The following PKHD1L1 variants were observed in gnomAD, a reference collection of about 807,000 sequenced individuals.
PKHD1L1 encodes the protein fibrocystin-L.
Under a neutral mutation model 462.9 loss-of-function variants are expected in PKHD1L1, and 434 were observed. The observed-to-expected ratio is 0.94, with a 90% confidence interval of 0.87 to 1.02. PKHD1L1 has a LOEUF of 1.02. Among genes scored for constraint, PKHD1L1 ranks in the 50% least tolerant of loss-of-function variants. The pLI, the probability that PKHD1L1 is intolerant of heterozygous loss-of-function variation, is 0.00. For missense variants in PKHD1L1, 5,202 were observed against 5,096.1 expected (o/e 1.02, Z -0.63); for synonymous variants, 1,781 against 1,750.0 (o/e 1.02, Z -0.44).
At chr8:109,450,897 T>C in intron 40 of PKHD1L1, 78 bp from the exon 41 acceptor site, 1 of 1,344,614 alleles carries the variant, frequency 7.4e-7, no homozygotes, top group Non-Finnish European at 1.0e-6. Flanking sequence ...GAAGATGTTA[T>C]TGAAAATGTT....
intron 16 of PKHD1L1, among the ~76,000 whole-genome samples, chr8:109,405,924 A>T (rs1310572436): frequency 2.0e-5 from 3 of 152,212 alleles, no homozygotes; most frequent in South Asian, 2.1e-4. Flanking sequence ...TCAATTTTTT[A>T]AATTAAATGA....
Position 109,442,331 on chromosome 8 carries a change from G to A in PKHD1L1, c.4393+136G>A, listed in dbSNP as rs921891804. On this transcript the variant is annotated intron_variant, in intron 35 of 77. Transcript: ENST00000378402. ...TGCGTAAGGTATTTGGCATTTTATT[G>A]CTGCAGTAAAAATGTTACTAATGAG... is the stretch of plus-strand genomic sequence containing the variant. The A allele has an allele frequency of 2.1e-5, 18 of 847,484 alleles. No homozygotes were observed. The Admixed American group carries it at 3.0e-4, about 14-fold the overall frequency. 52.5% of individuals were successfully genotyped at this position (847,484 alleles called of 1,614,324 possible). A position where few individuals can be genotyped will look rare whatever the true frequency, so the allele number is the denominator to read the frequency against.
Position 109,531,141 on chromosome 8 carries a change from G to T in PKHD1L1, c.*1051G>T, listed in dbSNP as rs989088831. On this transcript the variant is annotated 3_prime_UTR_variant, in exon 78 of 78. Transcript: ENST00000378402. The stretch of plus-strand genomic sequence containing the variant: ...CAGCAAACATTTGGGACAGCTGAGA[G>T]AATTCAACAAAGCCCATACCGTTGT... Among the ~76,000 whole-genome samples the T allele has an allele frequency of 7.2e-5, 11 of 152,196 alleles. No individual in the cohort carries two copies. The highest frequency in any genetic ancestry group is 2.7e-4 in the African/African-American group (11 of 41,450).
chr8:109,441,183 G>C (rs926719043), intron 33 of PKHD1L1, 92 bp from the exon 34 acceptor site: 2 of 855,884 alleles, frequency 2.3e-6, no homozygotes, highest in African/African-American at 3.5e-5. Context: ...GGTCTTGGCT[G>C]TTGATGAATT....
chr8:109,383,167 TATATACAATAATATATATA>T (rs1812231360), intron 4 of PKHD1L1, among the ~76,000 whole-genome samples: 1 of 90,144 alleles, frequency 1.1e-5, no homozygotes, highest in Non-Finnish European at 2.0e-5. Flanking sequence ...TTATATATAA[TATATACAATAATATATATA>T]ATTATATATA....
intron 49 of PKHD1L1, among the ~76,000 whole-genome samples, chr8:109,465,654 T>A (rs1482245852): frequency 1.3e-5 from 2 of 152,186 alleles, no homozygotes; most frequent in Non-Finnish European, 2.9e-5. Flanking sequence ...CAGAAACATA[T>A]AAATTGCAGG....
rs747605634 is a variant in PKHD1L1, at chr8:109,439,055, T to G, written c.3919T>G (p.Tyr1307Asp). ...PKLSPGKHDI[Y>D]VEVRNWGFAS... ...GTTGTCTCCTGGAAAACATGATATCTATGTAGAAGTCAGAAACTGGGGTTT... is the reference window on the plus strand; with the variant it reads ...GTTGTCTCCTGGAAAACATGATATCGATGTAGAAGTCAGAAACTGGGGTTT... The change falls in exon 32 of 78, where the codon TAT becomes GAT. Residue 1307 changes from tyrosine (Y) to aspartate (D), a missense_variant. Transcript: ENST00000378402. The G allele has an allele frequency of 3.7e-6, 6 of 1,613,264 alleles. No homozygotes were observed. Among genetic ancestry groups the G allele is most frequent in the Non-Finnish European group, 5.1e-6 (6 of 1,179,576 alleles).
At chr8:109,383,095 T>TAA (rs1235949947) in intron 4 of PKHD1L1, among the ~76,000 whole-genome samples, 1 of 124,272 alleles carries the variant, frequency 8.0e-6, no homozygotes, top group Non-Finnish European at 1.6e-5. Flanking sequence ...TTATTATATA[T>TAA]AATATATAAA....
At chr8:109,412,898 A>G (rs1813933477) in intron 20 of PKHD1L1, among the ~76,000 whole-genome samples, 1 of 152,028 alleles carries the variant, frequency 6.6e-6, no homozygotes, top group Non-Finnish European at 1.5e-5. Flanking sequence ...AAAATTCTCA[A>G]ATTGTGGCAC....
At chr8:109,469,580 T>G (rs1352473362) in intron 50 of PKHD1L1, among the ~76,000 whole-genome samples, 1 of 152,204 alleles carries the variant, frequency 6.6e-6, no homozygotes. Flanking sequence ...AAAACCTAAG[T>G]GTGCAGTGCC....
At position 109,456,374 on chromosome 8, in the gene PKHD1L1, T is replaced by C. The variant is rs760418902; in HGVS notation, c.6987T>C (p.Ile2329=). The C allele has an allele frequency of 1.5e-5, 24 of 1,608,070 alleles. No individual in the cohort carries two copies. The highest frequency in any genetic ancestry group is 3.4e-5 in the Admixed American group (2 of 59,274). Residue 2329 remains isoleucine, a synonymous_variant, in exon 46 of 78, where the codon ATT becomes ATC. Coordinates refer to ENST00000378402, the MANE Select transcript of PKHD1L1 (RefSeq NM_177531.6). The part of the protein sequence containing the change: ...VTWKPGDNIV[I]ASTGHRHSQG... ...GGAAACCAGGAGATAACATTGTAATTGCAAGCACAGGACACAGGTATGATA... is the reference window on the plus strand; with the variant it reads ...GGAAACCAGGAGATAACATTGTAATCGCAAGCACAGGACACAGGTATGATA...
At chr8:109,427,862 A>G (rs891740167) in intron 25 of PKHD1L1, among the ~76,000 whole-genome samples, 2 of 151,988 alleles carry the variant, frequency 1.3e-5, no homozygotes, top group Admixed American at 1.3e-4. Flanking sequence ...TACTAAAAAT[A>G]CAAAATTAGC....
intron 55 of PKHD1L1, among the ~76,000 whole-genome samples, chr8:109,480,966 A>G (rs956063516): frequency 6.6e-6 from 1 of 152,076 alleles, no homozygotes; most frequent in South Asian, 2.1e-4. Context: ...ATACTAATTC[A>G]TGAATTTGGT....
In PKHD1L1 at chr8:109,364,727, CA is replaced by C. The variant is rs1344807063; in HGVS notation, c.163+93del. 1.8e-5 allele frequency: 14 copies of C among 763,066 alleles called. No individual in the cohort carries two copies. In the East Asian group the frequency reaches 3.9e-4, roughly 21 times the overall value. The allele number at this position is 763,066 out of a possible 1,614,324, so 47.3% of individuals were successfully genotyped here. ...AGAGCTTTATGGACAAACAAACAAA[CA>C]AGCACCACTGGAGTTATTTCTTCAC... On this transcript the variant is annotated intron_variant, in intron 2 of 77. Transcript: ENST00000378402.
intron 4 of PKHD1L1, among the ~76,000 whole-genome samples, chr8:109,383,518 T>C (rs868832616): frequency 2.5e-4 from 35 of 141,260 alleles, no homozygotes; most frequent in African/African-American, 9.2e-4. Flanking sequence ...ATAGTTTATA[T>C]ATATTAGTTT....
intron 62 of PKHD1L1, 134 bp downstream of exon 62, chr8:109,492,128 T>TAA: frequency 1.5e-6 from 1 of 670,716 alleles, no homozygotes; most frequent in Non-Finnish European, 2.2e-6. Flanking sequence ...GCCATTGATT[T>TAA]TTTTTTTTTT....
chr8:109,472,495 A>G (rs1434794543), intron 50 of PKHD1L1, among the ~76,000 whole-genome samples: 1 of 152,144 alleles, frequency 6.6e-6, no homozygotes, highest in African/African-American at 2.4e-5. Context: ...CCTTTCATCT[A>G]TTCCCTTCAA....
At chr8:109,500,673 C>CAAAA (rs34827783) in intron 67 of PKHD1L1, among the ~76,000 whole-genome samples, 23 of 47,188 alleles carry the variant, frequency 4.9e-4, no homozygotes, top group African/African-American at 1.7e-3. Flanking sequence ...AACTCTGTCT[C>CAAAA]AAAAAAAAAA....
At chr8:109,463,190 T>A (rs115023446) in intron 48 of PKHD1L1, among the ~76,000 whole-genome samples, 2 of 152,320 alleles carry the variant, frequency 1.3e-5, no homozygotes, top group African/African-American at 4.8e-5. Flanking sequence ...ATGTTATCCC[T>A]ATGACACTAG....
Sources: allele counts gnomAD v4.1 joint callset (sites outside exome capture counted in the v4.1 genomes callset), GRCh38; gene constraint gnomAD v4.1.1; transcripts MANE v1.5; gene names NCBI Gene and HGNC (gene_info 2026-07-23, HGNC 2026-07-21).